GRID2: variants seen among roughly 807,000 people sequenced by gnomAD.
The protein encoded by GRID2 is glutamate ionotropic receptor delta type subunit 2.
In GRID2, 33 loss-of-function variants were observed where a neutral mutation model predicts 114.8. The observed-to-expected ratio is 0.29, with a 90% CI of 0.22 to 0.38. The LOEUF is 0.38. GRID2 is among the 10% of genes least tolerant of loss of function. GRID2 has a pLI of 1.00. For missense variants in GRID2, 1,184 were observed against 1,257.7 expected, an observed-to-expected ratio of 0.94 and a Z score of 0.89; for synonymous variants, 505 against 449.9, an observed-to-expected ratio of 1.12 and a Z score of -1.55.
intron 2 of GRID2, among the ~76,000 whole-genome samples, chr4:92,866,013 A>G (rs1744837209): frequency 6.6e-6 from 1 of 152,232 alleles, no homozygotes; most frequent in African/African-American, 2.4e-5. Context: ...GAAGACATGT[A>G]AGCAGTTATT....
chr4:92,404,045 T>G (rs2110286809), intron 1 of GRID2, among the ~76,000 whole-genome samples: 1 of 152,254 alleles, frequency 6.6e-6, no homozygotes, highest in Non-Finnish European at 1.5e-5. Flanking sequence ...TTGTGAGAAT[T>G]ACCAAAACGT....
At chr4:93,711,414 G>A (rs1728469341) in intron 14 of GRID2, among the ~76,000 whole-genome samples, 1 of 152,112 alleles carries the variant, frequency 6.6e-6, no homozygotes, top group Admixed American at 6.6e-5. Flanking sequence ...CTCCGTTTAT[G>A]CTGTATTTTA....
chr4:92,553,114 A>G, intron 1 of GRID2, among the ~76,000 whole-genome samples: 1 of 152,110 alleles, frequency 6.6e-6, no homozygotes, highest in Non-Finnish European at 1.5e-5. Flanking sequence ...AGAGGCCATA[A>G]TTTTTCTCCT....
chr4:93,566,046 T>A (rs938435915), intron 13 of GRID2, among the ~76,000 whole-genome samples: 4 of 152,168 alleles, frequency 2.6e-5, no homozygotes, highest in Non-Finnish European at 4.4e-5. Flanking sequence ...AAGGATTTTT[T>A]CTGCGGGTGA....
rs527882862 is a variant in GRID2, at chr4:93,590,058, T to C, written c.2194-36211T>C. Reference sequence around the variant, plus strand: ...GCTGTGCAGAAGCTCTTTAGTTTAATTAGATCCCATTTGTCAGTTTTGTCT... The same window carrying C: ...GCTGTGCAGAAGCTCTTTAGTTTAACTAGATCCCATTTGTCAGTTTTGTCT... On this transcript the variant is annotated intron_variant, in intron 13 of 15. Coordinates refer to ENST00000282020, the MANE Select transcript of GRID2 (RefSeq NM_001510.4). 5.3e-5 allele frequency among the ~76,000 whole-genome samples: 8 copies of C among 150,800 alleles called. 1 individual carries two copies. The South Asian group carries it at 1.7e-3, about 32-fold the overall frequency.
chr4:92,365,678 G>A (rs1045008001), intron 1 of GRID2, among the ~76,000 whole-genome samples: 1 of 152,028 alleles, frequency 6.6e-6, no homozygotes, highest in African/African-American at 2.4e-5. Flanking sequence ...ACTGAGTGAT[G>A]CATGTTAATT....
chr4:93,486,347 T>G (rs1726403177), intron 11 of GRID2, among the ~76,000 whole-genome samples: 1 of 151,670 alleles, frequency 6.6e-6, no homozygotes, highest in African/African-American at 2.4e-5. Flanking sequence ...TTTTCTGATT[T>G]TTTTTCTTGG....
chr4:93,388,781 A>T (rs79862621), intron 8 of GRID2, among the ~76,000 whole-genome samples: 1,730 of 152,290 alleles, frequency 0.011, 30 homozygotes, highest in African/African-American at 0.04. Context: ...AGTTAAATAG[A>T]TTCAGGAGAC....
At chr4:93,233,916 T>C (rs554236008) in intron 7 of GRID2, among the ~76,000 whole-genome samples, 1 of 152,196 alleles carries the variant, frequency 6.6e-6, no homozygotes, top group South Asian at 2.1e-4. Flanking sequence ...GATTCCTAGG[T>C]TAATGGTTGG....
Position 92,390,238 on chromosome 4 carries a change from C to T in GRID2, c.88+85494C>T, listed in dbSNP as rs118104360. 2.1e-3 allele frequency among the ~76,000 whole-genome samples: 315 copies of T among 152,200 alleles called. 8 individuals are homozygous for T. In the East Asian group the frequency reaches 0.032, roughly 15 times the overall value. Reference sequence around the variant, plus strand: ...TACCTTCATGTACTCACTTCATTTACCTTCAACAACAAACCAGTGAATAGA... The same window carrying T: ...TACCTTCATGTACTCACTTCATTTATCTTCAACAACAAACCAGTGAATAGA... On this transcript the variant is annotated intron_variant, in intron 1 of 15. Coordinates refer to ENST00000282020, the MANE Select transcript of GRID2 (RefSeq NM_001510.4).
intron 2 of GRID2, among the ~76,000 whole-genome samples, chr4:92,755,467 T>C (rs188397512): frequency 3.3e-5 from 5 of 152,208 alleles, no homozygotes; most frequent in Admixed American, 2.0e-4. Context: ...AGTAACAGGA[T>C]GGAGTGTCCT....
chr4:92,664,981 C>A (rs1052029948), intron 2 of GRID2, among the ~76,000 whole-genome samples: 1 of 147,766 alleles, frequency 6.8e-6, no homozygotes, highest in African/African-American at 2.5e-5. Flanking sequence ...GTCCACTCTG[C>A]CATTCTTTTT....
intron 1 of GRID2, among the ~76,000 whole-genome samples, chr4:92,525,822 G>A (rs773077419): frequency 1.3e-5 from 2 of 152,100 alleles, no homozygotes; most frequent in Admixed American, 1.3e-4. Flanking sequence ...GGAAAGTTTT[G>A]CAAGGGAGAG....
At chr4:92,612,148 T>G (rs1729783704) in intron 2 of GRID2, among the ~76,000 whole-genome samples, 1 of 151,536 alleles carries the variant, frequency 6.6e-6, no homozygotes, top group African/African-American at 2.4e-5. Context: ...TGTTTGTGTT[T>G]GAGTATGGTA....
intron 1 of GRID2, among the ~76,000 whole-genome samples, chr4:92,542,451 A>T (rs569391813): frequency 3.3e-5 from 5 of 152,280 alleles, no homozygotes; most frequent in Admixed American, 2.6e-4. Flanking sequence ...AAAAAGAAAA[A>T]ATGTCATTTA....
chr4:92,591,023 A>C (rs1391659463), intron 2 of GRID2, among the ~76,000 whole-genome samples: 3 of 152,082 alleles, frequency 2.0e-5, no homozygotes, highest in Admixed American at 6.6e-5. Flanking sequence ...AAATGAAACT[A>C]TTGGTTGATA....
At chr4:93,035,050 G>A (rs755625192) in intron 2 of GRID2, among the ~76,000 whole-genome samples, 7 of 151,012 alleles carry the variant, frequency 4.6e-5, no homozygotes, top group South Asian at 2.1e-4. Context: ...GCTCAGGTCC[G>A]TGTGTTAAAG....
chr4:93,529,114 A>G (rs1348717394), intron 13 of GRID2, among the ~76,000 whole-genome samples: 1 of 152,204 alleles, frequency 6.6e-6, no homozygotes, highest in Non-Finnish European at 1.5e-5. Flanking sequence ...TAAAATTCAC[A>G]TCACAATTTG....
intron 3 of GRID2, among the ~76,000 whole-genome samples, chr4:93,103,479 C>A (rs895140772): frequency 6.6e-6 from 1 of 151,964 alleles, no homozygotes; most frequent in Non-Finnish European, 1.5e-5. Context: ...TGTTTGCTAT[C>A]TTTTTATCTA....
Sources: allele counts gnomAD v4.1 joint callset (sites outside exome capture counted in the v4.1 genomes callset), GRCh38; gene constraint gnomAD v4.1.1; transcripts MANE v1.5; gene names NCBI Gene and HGNC (gene_info 2026-07-23, HGNC 2026-07-21).